Variants in PNPLA7 observed in about 807,000 individuals in gnomAD.
PNPLA7 encodes the protein patatin like domain 7, lysophospholipase.
In PNPLA7, 153 loss-of-function variants were observed where a neutral mutation model predicts 161.7. The observed-to-expected ratio is 0.95, with a 90% CI of 0.83 to 1.08. PNPLA7 has a LOEUF of 1.08. Among genes scored for constraint, PNPLA7 ranks in the 50% least tolerant of loss-of-function variants. PNPLA7 has a pLI of 0.00. For synonymous variants in PNPLA7, 809 were observed against 782.1 expected, an observed-to-expected ratio of 1.03 and a Z score of -0.57; for missense variants, 1,739 against 1,856.6, an observed-to-expected ratio of 0.94 and a Z score of 1.16.
In PNPLA7 at chr9:137,486,590, G is replaced by T. The variant is rs1018960506; in HGVS notation, c.2198-1854C>A. Among the ~76,000 whole-genome samples the T allele has an allele frequency of 6.6e-6, 1 of 152,028 alleles. No individual in the cohort carries two copies. The highest frequency in any genetic ancestry group is 2.4e-5 in the African/African-American group (1 of 41,382). Reference sequence around the variant, plus strand: ...AGTGTCCAAGACTCACACAGCCCCAGATCCTCCCTCGGACTCGGCCCCCAC... The same window carrying T: ...AGTGTCCAAGACTCACACAGCCCCATATCCTCCCTCGGACTCGGCCCCCAC... On this transcript the variant is annotated intron_variant, in intron 20 of 34. Coordinates refer to ENST00000406427, the MANE Select transcript of PNPLA7 (RefSeq NM_001098537.3). The surrounding 1 kb of genome is among the most constrained non-coding windows in gnomAD (Gnocchi z 6.0).
In PNPLA7 at chr9:137,480,474, G is replaced by C. The variant is rs375136543; in HGVS notation, c.2418C>G (p.His806Gln). The change falls in exon 23 of 35, where the codon CAC (histidine) becomes CAG (glutamine). Residue 806 changes from histidine to glutamine, a missense_variant. Transcript: ENST00000406427. ...RLGSAALDSVHEYRLSSWLGQ... is the reference protein window; with the variant it reads ...RLGSAALDSVQEYRLSSWLGQ... ...CCAGCCAGCTGGACAGCCGGTACTCGTGAACACTGCAGCACGCAGAGGGAG... is the reference window on the plus strand; with the variant it reads ...CCAGCCAGCTGGACAGCCGGTACTCCTGAACACTGCAGCACGCAGAGGGAG... The C allele has an allele frequency of 2.1e-4, 331 of 1,610,562 alleles. 4 individuals carry two copies. In the South Asian group the frequency reaches 3.5e-3, roughly 17 times the overall value.
In PNPLA7 at chr9:137,467,395, G is replaced by A. The variant is rs61738892; in HGVS notation, c.2961C>T (p.Ile987=). The A allele has an allele frequency of 0.06, 96,979 of 1,613,446 alleles. 3,310 individuals are homozygous for A. The highest frequency in any genetic ancestry group is 0.097 in the Middle Eastern group (589 of 6,062). ...IPVDMVGGTS[I]GAFVGALYSE... ...AGTACAGGGCACCCACGAAGGCCCC[G>A]ATGGACGTGCCTCCCACCATGTCCA... is the stretch of plus-strand genomic sequence containing the variant. The change falls in exon 26 of 35, where the codon ATC becomes ATT. Residue 987 remains isoleucine, a synonymous_variant. Transcript: ENST00000406427. The surrounding 1 kb of genome is among the most constrained non-coding windows in gnomAD (Gnocchi z 5.1).
chr9:137,529,636 G>A (rs1021184766), intron 8 of PNPLA7, among the ~76,000 whole-genome samples: 2 of 151,198 alleles, frequency 1.3e-5, no homozygotes, highest in African/African-American at 2.4e-5. Context: ...TCTGAGATTC[G>A]AGGTGAAGTT....
chr9:137,472,107 G>A, intron 25 of PNPLA7, among the ~76,000 whole-genome samples: 1 of 146,760 alleles, frequency 6.8e-6, no homozygotes, highest in Non-Finnish European at 1.5e-5. Flanking sequence ...CACACCAGTG[G>A]AACCCAGCAA....
intron 9 of PNPLA7, among the ~76,000 whole-genome samples, chr9:137,521,921 C>T (rs747570405): frequency 6.6e-6 from 1 of 152,172 alleles, no homozygotes; most frequent in African/African-American, 2.4e-5. Context: ...GGACAAGGGG[C>T]ACATGAAGAC....
At chr9:137,492,217 C>CA in intron 20 of PNPLA7, 1 of 985,272 alleles carries the variant, frequency 1.0e-6, no homozygotes, top group Non-Finnish European at 1.2e-6. Flanking sequence ...AAATTCCCCA[C>CA]ACTCTAGAAT....
In PNPLA7 at chr9:137,543,591, C is replaced by T. The variant is rs375370039; in HGVS notation, c.366-19G>A. ...CAGAATCCTACAAGGCAGAGACACA[C>T]TAGCCTTGAGCAGACCAGGCGGGTT... On this transcript the variant is annotated intron_variant, in intron 5 of 34. Coordinates refer to ENST00000406427, the MANE Select transcript of PNPLA7 (RefSeq NM_001098537.3). The surrounding 1 kb of genome is among the most constrained non-coding windows in gnomAD (Gnocchi z 6.9). The T allele has an allele frequency of 1.2e-6, 2 of 1,608,594 alleles. No homozygotes were observed. Among genetic ancestry groups the T allele is most frequent in the Admixed American group, 1.7e-5 (1 of 59,638 alleles).
At chr9:137,507,506 C>T (rs1424001804) in intron 12 of PNPLA7, among the ~76,000 whole-genome samples, 1 of 152,102 alleles carries the variant, frequency 6.6e-6, no homozygotes, top group African/African-American at 2.4e-5. Context: ...CCTGTCTCCA[C>T]TAAAAATACA....
chr9:137,480,267 G>T, intron 23 of PNPLA7, 45 bp downstream of exon 23: 1 of 1,586,812 alleles, frequency 6.3e-7, no homozygotes, highest in South Asian at 1.1e-5. Flanking sequence ...AGGAGGTTCT[G>T]AAGAGAGGGC....
rs147592815 is a variant in PNPLA7, at chr9:137,545,684, A to C, written c.273+1146T>G. Among the ~76,000 whole-genome samples the C allele has an allele frequency of 7.2e-5, 11 of 152,176 alleles. No individual in the cohort carries two copies. The East Asian group carries it at 2.1e-3, about 29-fold the overall frequency. On this transcript the variant is annotated intron_variant, in intron 4 of 34. Transcript: ENST00000406427. Reference sequence around the variant, plus strand: ...TTATTCCAATATTATAATAATCCTCACTCTATAATCATAGCCTAGGAAAAA... The same window carrying C: ...TTATTCCAATATTATAATAATCCTCCCTCTATAATCATAGCCTAGGAAAAA...
chr9:137,501,602 G>A (rs1199728544), intron 15 of PNPLA7, 48 bp downstream of exon 15: 2 of 1,567,874 alleles, frequency 1.3e-6, no homozygotes, highest in Non-Finnish European at 1.7e-6. Context: ...TTGGCACTGG[G>A]CTATGGCATT....
Position 137,516,268 on chromosome 9 carries a change from G to A in PNPLA7, c.1085-749C>T, listed in dbSNP as rs188044187. ...TTGGTGGATGTGGCTGTCTGGGCTC[G>A]CCTGGGATGGGCCACGCAGGGCTGC... On this transcript the variant is annotated intron_variant, in intron 11 of 34. Coordinates refer to ENST00000406427, the MANE Select transcript of PNPLA7 (RefSeq NM_001098537.3). 1.9e-5 allele frequency: 18 copies of A among 967,190 alleles called. No individual in the cohort carries two copies. The Admixed American group carries it at 1.9e-4, about 10-fold the overall frequency. 59.9% of individuals were successfully genotyped at this position (967,190 alleles called of 1,614,324 possible).
intron 8 of PNPLA7, among the ~76,000 whole-genome samples, chr9:137,526,838 C>T (rs1835326597): frequency 6.6e-6 from 1 of 152,206 alleles, no homozygotes; most frequent in Admixed American, 6.5e-5. Context: ...ATAGAATCCA[C>T]AGGATTTTCA....
chr9:137,525,395 C>T (rs572485952), intron 8 of PNPLA7, among the ~76,000 whole-genome samples: 3 of 152,256 alleles, frequency 2.0e-5, no homozygotes, highest in Non-Finnish European at 2.9e-5. Flanking sequence ...GTAGTGGCCC[C>T]GAATGCCTGG....
Position 137,516,138 on chromosome 9 carries a change from T to C in PNPLA7, c.1085-619A>G, listed in dbSNP as rs1207233362. ...ATCCCTAACCTAACCCCCTGCCCCA[T>C]TCCGAGGCCTTGCTGCCCTGATTGT... is the stretch of plus-strand genomic sequence containing the variant. On this transcript the variant is annotated intron_variant, in intron 11 of 34. Coordinates refer to ENST00000406427, the MANE Select transcript of PNPLA7 (RefSeq NM_001098537.3). Among the ~76,000 whole-genome samples the C allele has an allele frequency of 3.1e-4, 19 of 62,262 alleles. 1 individual carries two copies. The highest frequency in any genetic ancestry group is 1.3e-3 in the African/African-American group (19 of 14,840). The allele number at this position is 62,262 out of a possible 152,430, so 40.8% of individuals were successfully genotyped here.
chr9:137,461,461 T>TGGGGGGGGGGGGGCCTTGGGGGGG, intron 33 of PNPLA7, 75 bp downstream of exon 33: 3 of 1,189,084 alleles, frequency 2.5e-6, no homozygotes, highest in East Asian at 4.0e-5. Flanking sequence ...GCCTCTGGGG[T>TGGGGGGGGGGGGGCCTTGGGGGGG]GGGGGGGTTC....
intron 12 of PNPLA7, among the ~76,000 whole-genome samples, chr9:137,507,038 C>A (rs1170102654): frequency 6.6e-6 from 1 of 152,244 alleles, no homozygotes. Context: ...CAGCCATGTG[C>A]CCCTCCCTGG....
At chr9:137,472,468 T>C (rs1694131486) in intron 25 of PNPLA7, among the ~76,000 whole-genome samples, 1 of 151,310 alleles carries the variant, frequency 6.6e-6, no homozygotes, top group African/African-American at 2.4e-5. Flanking sequence ...CTGGCCAACA[T>C]GGTGAAACCC....
chr9:137,478,405 G>A (rs111929636), intron 24 of PNPLA7: 1 of 356,116 alleles, frequency 2.8e-6, no homozygotes, highest in East Asian at 4.1e-5. Context: ...GGGCCCGGGT[G>A]GGGGGCCAGA....
Sources: gnomAD v4.1 joint callset for allele counts (sites outside exome capture counted in the v4.1 genomes callset) on GRCh38, gnomAD v4.1.1 for gene constraint, Gnocchi (gnomAD v3.1) non-coding constraint, MANE v1.5 for transcripts, NCBI Gene and HGNC (gene_info 2026-07-23, HGNC 2026-07-21) for gene names.